CADPS2: variants seen among roughly 807,000 people sequenced by gnomAD.
CADPS2 encodes calcium dependent secretion activator 2, also known as calcium-dependent secretion activator 2.
A neutral mutation model predicts 172.5 loss-of-function variants in CADPS2; 93 were observed. The ratio of observed to expected loss-of-function variants is 0.54; its 90% CI spans 0.46 to 0.64. The LOEUF is 0.64. CADPS2 is among the 30% of genes least tolerant of loss of function. CADPS2 has a pLI of 0.00. For missense variants in CADPS2, 1,420 were observed against 1,565.9 expected (o/e 0.91, Z 1.57); for synonymous variants, 546 against 555.2 (o/e 0.98, Z 0.23).
chr7:122,586,914 T>A, intron 6 of CADPS2, among the ~76,000 whole-genome samples: 1 of 151,946 alleles, frequency 6.6e-6, no homozygotes, highest in East Asian at 1.9e-4. Context: ...TTAAAAATTA[T>A]TTGTCACCAA....
At chr7:122,763,579 C>T (rs1262660035) in intron 1 of CADPS2, among the ~76,000 whole-genome samples, 5 of 152,144 alleles carry the variant, frequency 3.3e-5, no homozygotes, top group African/African-American at 1.2e-4. Context: ...AAGGTAAACT[C>T]CATTATTCAG....
chr7:122,633,091 T>G (rs181257582), intron 3 of CADPS2, among the ~76,000 whole-genome samples: 1 of 152,334 alleles, frequency 6.6e-6, no homozygotes, highest in African/African-American at 2.4e-5. Context: ...CTGTTTTGGT[T>G]ACTTTAGCCT....
At chr7:122,340,467 T>C (rs2036600063) in intron 28 of CADPS2, among the ~76,000 whole-genome samples, 1 of 152,208 alleles carries the variant, frequency 6.6e-6, no homozygotes, top group Non-Finnish European at 1.5e-5. Flanking sequence ...AAAAATAAGA[T>C]GCGCTTCAGT....
chr7:122,507,442 G>A (rs2059690293), intron 9 of CADPS2, among the ~76,000 whole-genome samples: 1 of 152,118 alleles, frequency 6.6e-6, no homozygotes, highest in Admixed American at 6.6e-5. Flanking sequence ...TTTGGTGGGG[G>A]TATCTGGTGA....
Position 122,688,860 on chromosome 7 carries a change from G to A in CADPS2, c.454-25291C>T, listed in dbSNP as rs548999106. ...CATGTTCCTTACACTCCACCCCCTC[G>A]GCCAAGGGAGACATAGGCCTTGGAT... On this transcript the variant is annotated intron_variant, in intron 2 of 29. Coordinates refer to ENST00000449022, the MANE Select transcript of CADPS2 (RefSeq NM_017954.11). Among the ~76,000 whole-genome samples, 7 of 152,136 alleles carry A rather than the reference G, an allele frequency of 4.6e-5. No homozygotes were observed. The East Asian group carries it at 9.7e-4, about 21-fold the overall frequency.
At chr7:122,380,117 AAAAAGATGTATTT>A (rs1171362727) in intron 24 of CADPS2, among the ~76,000 whole-genome samples, 2 of 152,158 alleles carry the variant, frequency 1.3e-5, no homozygotes, top group Non-Finnish European at 2.9e-5. Flanking sequence ...TAAATACCAA[AAAAAGATGTATTT>A]AAAATCAACC....
At chr7:122,770,844 C>T (rs142020493) in intron 1 of CADPS2, among the ~76,000 whole-genome samples, 7 of 152,122 alleles carry the variant, frequency 4.6e-5, no homozygotes, top group African/African-American at 1.7e-4. Flanking sequence ...CAAGCAGGTT[C>T]CAGACAACTA....
chr7:122,655,907 G>A (rs1403052068), intron 3 of CADPS2, among the ~76,000 whole-genome samples: 1 of 152,056 alleles, frequency 6.6e-6, no homozygotes, highest in African/African-American at 2.4e-5. Flanking sequence ...GACATATAAA[G>A]AGCTTGGAAG....
At chr7:122,507,005 T>C (rs1291975954) in intron 9 of CADPS2, among the ~76,000 whole-genome samples, 1 of 152,032 alleles carries the variant, frequency 6.6e-6, no homozygotes, top group Admixed American at 6.6e-5. Context: ...ACAGATAAAG[T>C]AGACTAAAAG....
intron 1 of CADPS2, among the ~76,000 whole-genome samples, chr7:122,743,748 AC>A (rs1318372137): frequency 2.0e-5 from 3 of 152,188 alleles, no homozygotes; most frequent in Non-Finnish European, 2.9e-5. Flanking sequence ...TAATAGGAAA[AC>A]GCTAAAGGAT....
chr7:122,588,050 AT>A (rs1468171786), intron 6 of CADPS2, among the ~76,000 whole-genome samples: 4 of 151,356 alleles, frequency 2.6e-5, no homozygotes, highest in Admixed American at 6.6e-5. Context: ...CCACTTTTAA[AT>A]TTTTTTTCTC....
intron 2 of CADPS2, among the ~76,000 whole-genome samples, chr7:122,690,519 A>G (rs2084201414): frequency 6.6e-6 from 1 of 152,164 alleles, no homozygotes; most frequent in East Asian, 1.9e-4. Flanking sequence ...ATCTGCAATG[A>G]GGGGCTTGGA....
In CADPS2 at chr7:122,518,960, T is replaced by C. The variant is rs576013753; in HGVS notation, c.1476-5645A>G. 1.3e-4 allele frequency among the ~76,000 whole-genome samples: 20 copies of C among 152,176 alleles called. No individual in the cohort carries two copies. In the South Asian group the frequency reaches 3.9e-3, roughly 30 times the overall value. On this transcript the variant is annotated intron_variant, in intron 8 of 29. Coordinates refer to ENST00000449022, the MANE Select transcript of CADPS2 (RefSeq NM_017954.11). Reference sequence around the variant, plus strand: ...CCTACAGAATTTGGTTTTAAATATTTTGTTGTCATCTTTGTCAAATTCTTT... The same window carrying C: ...CCTACAGAATTTGGTTTTAAATATTCTGTTGTCATCTTTGTCAAATTCTTT...
chr7:122,753,612 T>C (rs2093037655), intron 1 of CADPS2, among the ~76,000 whole-genome samples: 1 of 152,192 alleles, frequency 6.6e-6, no homozygotes, highest in Non-Finnish European at 1.5e-5. Flanking sequence ...AATGGAGACA[T>C]TTTGAAAGGA....
chr7:122,636,462 GTTTTTTTT>G (rs66587423), intron 3 of CADPS2, among the ~76,000 whole-genome samples: 1 of 100,186 alleles, frequency 1.0e-5, no homozygotes. Flanking sequence ...CACAAGAGAT[GTTTTTTTT>G]TTTTTTTTTT....
intron 28 of CADPS2, among the ~76,000 whole-genome samples, chr7:122,326,622 G>C (rs1214340290): frequency 6.6e-6 from 1 of 151,880 alleles, no homozygotes; most frequent in African/African-American, 2.4e-5. Flanking sequence ...CATAATGACA[G>C]TCCAGATCAC....
At chr7:122,611,555 T>C (rs2074293593) in intron 6 of CADPS2, among the ~76,000 whole-genome samples, 1 of 152,068 alleles carries the variant, frequency 6.6e-6, no homozygotes. Flanking sequence ...AGACAATGAA[T>C]AGATCTATAA....
chr7:122,365,863 T>G (rs2040779975), intron 25 of CADPS2, among the ~76,000 whole-genome samples: 1 of 152,226 alleles, frequency 6.6e-6, no homozygotes, highest in African/African-American at 2.4e-5. Flanking sequence ...TGACAGCATA[T>G]AAGATTCATA....
chr7:122,878,946 G>A (rs1377077988), intron 1 of CADPS2, among the ~76,000 whole-genome samples: 4 of 152,000 alleles, frequency 2.6e-5, no homozygotes, highest in East Asian at 1.9e-4. Flanking sequence ...ATCAAAAGTC[G>A]GGCTGCAGGC....
Sources: gnomAD v4.1 joint callset for allele counts (sites outside exome capture counted in the v4.1 genomes callset) on GRCh38, gnomAD v4.1.1 for gene constraint, MANE v1.5 for transcripts, NCBI Gene and HGNC (gene_info 2026-07-23, HGNC 2026-07-21) for gene names.